The following TENT2 variants were observed in gnomAD, a reference collection of about 807,000 sequenced individuals.
TENT2 encodes the protein terminal nucleotidyltransferase 2.
TENT2 carries 44 observed loss-of-function variants against 72.2 expected under a neutral mutation model. The ratio of observed to expected loss-of-function variants is 0.61; its 90% CI spans 0.48 to 0.78. The LOEUF (loss-of-function observed/expected upper bound fraction) is 0.78. Ranked by LOEUF, TENT2 falls within the 30% of genes least tolerant of loss-of-function variation. The pLI is 0.00. For missense variants in TENT2, 541 were observed against 569.6 expected (o/e 0.95, Z 0.51); for synonymous variants, 212 against 192.5 (o/e 1.10, Z -0.84).
chr5:79,618,916 A>G (rs1762583700), intron 1 of TENT2, among the ~76,000 whole-genome samples: 1 of 151,934 alleles, frequency 6.6e-6, no homozygotes, highest in Non-Finnish European at 1.5e-5. Context: ...GAGGGGTCCT[A>G]TTTTTCTTTG....
At position 79,624,701 on chromosome 5, in the gene TENT2, C is replaced by T. The variant is rs144803447; in HGVS notation, c.465+1212C>T. ...TTGCTTTTTTCATTTAGCATGTTTT[C>T]AAGGTTCATCCACGTTGTAGCATAC... On this transcript the variant is annotated intron_variant, in intron 4 of 14. Coordinates refer to ENST00000453514, the MANE Select transcript of TENT2 (RefSeq NM_001114394.3). Among the ~76,000 whole-genome samples the T allele has an allele frequency of 2.6e-5, 4 of 152,248 alleles. No individual in the cohort carries two copies. The East Asian group carries it at 7.7e-4, about 29-fold the overall frequency.
At chr5:79,642,564 A>G (rs1785325437) in intron 6 of TENT2, among the ~76,000 whole-genome samples, 1 of 152,140 alleles carries the variant, frequency 6.6e-6, no homozygotes, top group African/African-American at 2.4e-5. Context: ...GGAAAATGAC[A>G]TAGATGGCTA....
intron 4 of TENT2, among the ~76,000 whole-genome samples, chr5:79,631,248 G>C (rs1775264035): frequency 6.6e-6 from 1 of 152,168 alleles, no homozygotes; most frequent in Admixed American, 6.6e-5. Context: ...CATTGGGTTC[G>C]ATTGAGAAGA....
At chr5:79,665,373 T>C (rs1248088372) in intron 11 of TENT2, among the ~76,000 whole-genome samples, 1 of 152,192 alleles carries the variant, frequency 6.6e-6, no homozygotes, top group Non-Finnish European at 1.5e-5. Flanking sequence ...TTCTAACTTA[T>C]TCCAGAAAGC....
At chr5:79,632,885 T>C (rs914542335) in intron 4 of TENT2, among the ~76,000 whole-genome samples, 7 of 152,192 alleles carry the variant, frequency 4.6e-5, no homozygotes, top group Non-Finnish European at 7.3e-5. Context: ...CCTATCTTTC[T>C]TTTTTGGGCA....
intron 7 of TENT2, among the ~76,000 whole-genome samples, chr5:79,643,415 C>T (rs1449460229): frequency 2.0e-5 from 3 of 152,146 alleles, no homozygotes; most frequent in Non-Finnish European, 4.4e-5. Flanking sequence ...TACGATTTTA[C>T]TTTTTGAATA....
chr5:79,665,801 G>A (rs1055327226), intron 11 of TENT2, among the ~76,000 whole-genome samples: 4 of 152,008 alleles, frequency 2.6e-5, no homozygotes, highest in Non-Finnish European at 2.9e-5. Flanking sequence ...CTATTCTGTG[G>A]ACTGACTTTG....
chr5:79,656,946 T>C lies in TENT2; in HGVS notation c.1028-12T>C. On this transcript the variant is annotated splice_polypyrimidine_tract_variant and intron_variant, in intron 10 of 14. Transcript: ENST00000453514. ...GTGAATCACGGAAGCTTTAAACTTT[T>C]TCTTTTTATAGCCCTACCTGAACCC... 6.3e-7 allele frequency: 1 copy of C among 1,595,532 alleles called. No individual in the cohort carries two copies. Among genetic ancestry groups the C allele is most frequent in the South Asian group, 1.1e-5 (1 of 87,604 alleles).
intron 12 of TENT2, among the ~76,000 whole-genome samples, chr5:79,671,387 T>TA (rs556613445): frequency 5.3e-4 from 81 of 152,076 alleles, no homozygotes; most frequent in African/African-American, 1.8e-3. Context: ...GGTAATCATT[T>TA]AAAAAGTTCT....
chr5:79,677,942 A>G (rs1253604653), intron 12 of TENT2, among the ~76,000 whole-genome samples: 1 of 152,162 alleles, frequency 6.6e-6, no homozygotes, highest in Non-Finnish European at 1.5e-5. Flanking sequence ...CTGGGACTAT[A>G]GGCGCCACCA....
At chr5:79,650,994 C>T (rs1006585386) in intron 10 of TENT2, among the ~76,000 whole-genome samples, 15 of 151,798 alleles carry the variant, frequency 9.9e-5, no homozygotes, top group Admixed American at 5.3e-4. Flanking sequence ...ATACTTAAAA[C>T]GTAGTGATAT....
intron 11 of TENT2, among the ~76,000 whole-genome samples, chr5:79,662,334 G>C (rs1803656599): frequency 6.6e-6 from 1 of 152,036 alleles, no homozygotes; most frequent in Admixed American, 6.6e-5. Context: ...TGTTCATGTT[G>C]ATATTTTGAC....
At chr5:79,639,382 T>A (rs1255996406) in intron 4 of TENT2, among the ~76,000 whole-genome samples, 1 of 152,112 alleles carries the variant, frequency 6.6e-6, no homozygotes, top group African/African-American at 2.4e-5. Flanking sequence ...AGGGCCAACC[T>A]AAGACTATAA....
intron 14 of TENT2, among the ~76,000 whole-genome samples, chr5:79,683,944 A>AAAC (rs1824461392): frequency 6.7e-6 from 1 of 148,530 alleles, no homozygotes; most frequent in East Asian, 1.9e-4. Context: ...AAAAAAAAAA[A>AAAC]AAAAAAAAGA....
At chr5:79,641,681 T>C (rs1784579826) in intron 6 of TENT2, among the ~76,000 whole-genome samples, 1 of 151,726 alleles carries the variant, frequency 6.6e-6, no homozygotes, top group Non-Finnish European at 1.5e-5. Flanking sequence ...TTAAAATATT[T>C]TTCTCTATGA....
chr5:79,632,391 C>T (rs1440437650), intron 4 of TENT2, among the ~76,000 whole-genome samples: 1 of 151,590 alleles, frequency 6.6e-6, no homozygotes, highest in Non-Finnish European at 1.5e-5. Context: ...CTGAGTTATT[C>T]CTGAATTTTA....
intron 11 of TENT2, among the ~76,000 whole-genome samples, chr5:79,668,078 G>A (rs1234156808): frequency 6.6e-6 from 1 of 151,876 alleles, no homozygotes; most frequent in Non-Finnish European, 1.5e-5. Context: ...AATTTTGATA[G>A]TACATTTAGT....
chr5:79,649,968 C>G (rs1187856406), intron 10 of TENT2, among the ~76,000 whole-genome samples: 1 of 152,094 alleles, frequency 6.6e-6, no homozygotes, highest in Non-Finnish European at 1.5e-5. Context: ...ATGGATGCAT[C>G]TACTGTTTTG....
At chr5:79,667,588 A>G (rs1272556574) in intron 11 of TENT2, among the ~76,000 whole-genome samples, 2 of 152,176 alleles carry the variant, frequency 1.3e-5, no homozygotes, top group Non-Finnish European at 2.9e-5. Flanking sequence ...GGAAAGTCCC[A>G]TGTTGAGGAG....
Sources: gnomAD v4.1 joint callset for allele counts (sites outside exome capture counted in the v4.1 genomes callset) on GRCh38, gnomAD v4.1.1 for gene constraint, MANE v1.5 for transcripts, NCBI Gene and HGNC (gene_info 2026-07-23, HGNC 2026-07-21) for gene names.